KDM4C: variants seen among roughly 807,000 people sequenced by gnomAD.
KDM4C encodes lysine-specific demethylase 4C.
A neutral mutation model predicts 129.3 loss-of-function variants in KDM4C; 81 were observed. The ratio of observed to expected loss-of-function variants is 0.63; its 90% confidence interval spans 0.52 to 0.75. KDM4C has a LOEUF of 0.75. KDM4C is among the 30% of genes least tolerant of loss of function. KDM4C has a pLI of 0.00. For synonymous variants in KDM4C, 573 were observed against 456.1 expected (o/e 1.26, Z -3.26); for missense variants, 1,457 against 1,304.0 (o/e 1.12, Z -1.81).
intron 4 of KDM4C, among the ~76,000 whole-genome samples, chr9:6,843,421 A>G (rs1837329552): frequency 6.6e-6 from 1 of 152,226 alleles, no homozygotes; most frequent in African/African-American, 2.4e-5. Context: ...CTGTCCTATA[A>G]GGTAGGCATG....
At chr9:6,967,027 C>G (rs1033254364) in intron 8 of KDM4C, among the ~76,000 whole-genome samples, 1 of 152,104 alleles carries the variant, frequency 6.6e-6, no homozygotes, top group African/African-American at 2.4e-5. Context: ...AAAACATTTG[C>G]AAAACGTGTC....
At chr9:6,883,406 G>A (rs1844776605) in intron 6 of KDM4C, among the ~76,000 whole-genome samples, 1 of 152,166 alleles carries the variant, frequency 6.6e-6, no homozygotes, top group Non-Finnish European at 1.5e-5. Context: ...AGATCAATGT[G>A]TGGTGCGTCA....
intron 8 of KDM4C, among the ~76,000 whole-genome samples, chr9:6,940,214 C>A (rs1026511196): frequency 6.6e-6 from 1 of 152,148 alleles, no homozygotes; most frequent in African/African-American, 2.4e-5. Context: ...CCTCAGCCTC[C>A]CTGGTGGCTG....
intron 18 of KDM4C, among the ~76,000 whole-genome samples, chr9:7,116,455 C>T (rs1046494047): frequency 7.3e-6 from 1 of 136,642 alleles, no homozygotes; most frequent in Non-Finnish European, 1.6e-5. Flanking sequence ...AGGAGGGCCA[C>T]AGGCAGGAAA....
intron 15 of KDM4C, among the ~76,000 whole-genome samples, chr9:7,022,172 T>G (rs1029626394): frequency 1.3e-5 from 2 of 152,186 alleles, no homozygotes; most frequent in African/African-American, 4.8e-5. Context: ...TTAGGATTTT[T>G]TTTCTATTTC....
intron 5 of KDM4C, among the ~76,000 whole-genome samples, chr9:6,873,197 A>C (rs1843027360): frequency 6.6e-6 from 1 of 152,114 alleles, no homozygotes; most frequent in Non-Finnish European, 1.5e-5. Flanking sequence ...GGGTTTCACC[A>C]TGTTGGCCAG....
intron 15 of KDM4C, among the ~76,000 whole-genome samples, chr9:7,032,674 T>C (rs1242554640): frequency 6.6e-6 from 1 of 152,224 alleles, no homozygotes; most frequent in Non-Finnish European, 1.5e-5. Flanking sequence ...TTGCCCAGGA[T>C]CACTCTTGTG....
chr9:6,853,703 G>C (rs1362836730), intron 5 of KDM4C, among the ~76,000 whole-genome samples: 1 of 152,108 alleles, frequency 6.6e-6, no homozygotes, highest in African/African-American at 2.4e-5. Flanking sequence ...AGGTTTAGGG[G>C]GAAAAGTATC....
chr9:7,068,654 T>A (rs2132777835), intron 17 of KDM4C, among the ~76,000 whole-genome samples: 1 of 151,508 alleles, frequency 6.6e-6, no homozygotes, highest in South Asian at 2.1e-4. Context: ...CCTTTTCTTC[T>A]GTCTATTTCA....
intron 8 of KDM4C, among the ~76,000 whole-genome samples, chr9:6,914,259 G>T (rs1024226353): frequency 6.6e-6 from 1 of 152,000 alleles, no homozygotes; most frequent in African/African-American, 2.4e-5. Context: ...GGGTTTCTCC[G>T]TGTTGGTCAG....
At chr9:6,728,172 G>A (rs1437964548) in intron 1 of KDM4C, among the ~76,000 whole-genome samples, 2 of 151,888 alleles carry the variant, frequency 1.3e-5, no homozygotes, top group East Asian at 3.9e-4. Context: ...AAGTGTTAGT[G>A]GGATACATAA....
intron 8 of KDM4C, among the ~76,000 whole-genome samples, chr9:6,968,562 A>G (rs1831405857): frequency 6.6e-6 from 1 of 152,220 alleles, no homozygotes; most frequent in Non-Finnish European, 1.5e-5. Flanking sequence ...ATGGTTTCAT[A>G]AAGAATGTAA....
At chr9:6,825,705 A>G (rs112688399) in intron 4 of KDM4C, among the ~76,000 whole-genome samples, 2,461 of 152,310 alleles carry the variant, frequency 0.016, 81 homozygotes, top group African/African-American at 0.056. Flanking sequence ...CTTCAATATT[A>G]ATTTGCTGGC....
chr9:6,915,924 G>C (rs1014887891), intron 8 of KDM4C, among the ~76,000 whole-genome samples: 7 of 152,212 alleles, frequency 4.6e-5, no homozygotes, highest in Non-Finnish European at 7.3e-5. Flanking sequence ...TTAATGACAG[G>C]CTGGGCTTTT....
chr9:7,068,416 C>G lies in KDM4C; in HGVS notation c.2424+19216C>G, dbSNP rs145454731. On this transcript the variant is annotated intron_variant, in intron 17 of 21. Coordinates refer to ENST00000381309, the MANE Select transcript of KDM4C (RefSeq NM_015061.6). Reference sequence around the variant, plus strand: ...CACCTCAATTTTACTAAAGGTAGTGCCAACGGTTTCTCAGGTGTATGATTT... The same window carrying G: ...CACCTCAATTTTACTAAAGGTAGTGGCAACGGTTTCTCAGGTGTATGATTT... Among the ~76,000 whole-genome samples, 39 of 152,178 alleles carry G rather than the reference C, an allele frequency of 2.6e-4. 1 individual carries two copies. The highest frequency in any genetic ancestry group is 2.0e-3 in the Admixed American group (30 of 15,290).
intron 19 of KDM4C, among the ~76,000 whole-genome samples, chr9:7,132,638 G>T (rs943919990): frequency 9.9e-5 from 15 of 152,110 alleles, no homozygotes; most frequent in Non-Finnish European, 2.1e-4. Flanking sequence ...GAATTTTTTT[G>T]CCTTCCACTA....
At chr9:6,901,376 A>T (rs1387798409) in intron 8 of KDM4C, among the ~76,000 whole-genome samples, 1 of 152,166 alleles carries the variant, frequency 6.6e-6, no homozygotes, top group Admixed American at 6.5e-5. Flanking sequence ...CTTACCTCAC[A>T]TAAGGGATTG....
At chr9:7,009,007 C>T (rs771037908) in intron 12 of KDM4C, among the ~76,000 whole-genome samples, 1 of 152,176 alleles carries the variant, frequency 6.6e-6, no homozygotes, top group African/African-American at 2.4e-5. Context: ...CATGACACCA[C>T]TGAGGGAACA....
upstream of KDM4C, chr9:6,757,588 A>T: frequency 1.0e-6 from 1 of 976,558 alleles, no homozygotes; most frequent in East Asian, 1.1e-4. Flanking sequence ...TCTCCAGTAC[A>T]TTCCGAGGCT....
Sources: gnomAD v4.1 joint callset for allele counts (sites outside exome capture counted in the v4.1 genomes callset) on GRCh38, gnomAD v4.1.1 for gene constraint, MANE v1.5 for transcripts, NCBI Gene and HGNC (gene_info 2026-07-23, HGNC 2026-07-21) for gene names.